Variants in KCNIP1 observed in about 807,000 individuals in gnomAD.
KCNIP1 encodes potassium voltage-gated channel interacting protein 1.
In KCNIP1, 18 loss-of-function variants were observed where a neutral mutation model predicts 33.0. The ratio of observed to expected loss-of-function variants is 0.55; its 90% CI spans 0.38 to 0.81. The LOEUF is 0.81. Ranked by LOEUF, KCNIP1 falls within the 30% of genes least tolerant of loss-of-function variation. KCNIP1 has a pLI of 0.00. For synonymous variants in KCNIP1, 93 were observed against 98.3 expected (o/e 0.95, Z 0.32); for missense variants, 238 against 271.6 (o/e 0.88, Z 0.87).
At chr5:170,713,921 G>A (rs1763546987) in intron 1 of KCNIP1, among the ~76,000 whole-genome samples, 1 of 152,106 alleles carries the variant, frequency 6.6e-6, no homozygotes, top group South Asian at 2.1e-4. Flanking sequence ...CTACTCAGGA[G>A]GCTGAGGCAG....
intron 1 of KCNIP1, among the ~76,000 whole-genome samples, chr5:170,587,371 G>A (rs938200528): frequency 5.7e-5 from 8 of 140,030 alleles, no homozygotes; most frequent in African/African-American, 1.6e-4. Context: ...GCAGTGAGCC[G>A]AGATTGTGCC....
At chr5:170,399,844 C>T (rs1754853784) in intron 1 of KCNIP1, among the ~76,000 whole-genome samples, 1 of 152,184 alleles carries the variant, frequency 6.6e-6, no homozygotes, top group South Asian at 2.1e-4. Context: ...AACTACTCTC[C>T]AGTGATGATC....
chr5:170,399,512 A>G (rs182792386), intron 1 of KCNIP1, among the ~76,000 whole-genome samples: 2 of 152,338 alleles, frequency 1.3e-5, no homozygotes, highest in Admixed American at 1.3e-4. Flanking sequence ...AGAGAACTTG[A>G]TAATACAGAA....
rs1763871816 is a variant in KCNIP1 at position 170,722,776 on chromosome 5, T to G, written c.391T>G (p.Phe131Val). 1 of 1,613,858 alleles carries G rather than the reference T, an allele frequency of 6.2e-7. No individual in the cohort carries two copies. The highest frequency in any genetic ancestry group is 1.3e-5 in the African/African-American group (1 of 74,908). ...GTVHEKLRWT[F>V]NLYDINKDGY... ...TGTCCACGAGAAACTAAGGTGGACA[T>G]TTAATTTGTATGACATCAACAAGGA... is the stretch of plus-strand genomic sequence containing the variant. The change falls in exon 5 of 8, where the codon TTT becomes GTT. Residue 131 changes from phenylalanine (F) to valine (V), a missense_variant. Coordinates refer to ENST00000328939, the MANE Select transcript of KCNIP1 (RefSeq NM_014592.4).
chr5:170,593,592 A>T (rs543608129), intron 1 of KCNIP1, among the ~76,000 whole-genome samples: 2 of 152,222 alleles, frequency 1.3e-5, no homozygotes, highest in African/African-American at 4.8e-5. Flanking sequence ...ATAATTGTTC[A>T]CATTCTGCTG....
intron 1 of KCNIP1, among the ~76,000 whole-genome samples, chr5:170,680,088 A>G (rs1762279641): frequency 1.3e-5 from 2 of 152,178 alleles, no homozygotes; most frequent in East Asian, 1.9e-4. Flanking sequence ...TCTGACACCA[A>G]TATGTGTGAA....
chr5:170,660,912 G>A (rs1020813784), intron 1 of KCNIP1, among the ~76,000 whole-genome samples: 25 of 152,258 alleles, frequency 1.6e-4, no homozygotes, highest in African/African-American at 4.8e-4. Context: ...TTAACAAGTC[G>A]AGGTTTGGGA....
At chr5:170,371,043 G>A (rs1453040488) in intron 1 of KCNIP1, among the ~76,000 whole-genome samples, 2 of 152,220 alleles carry the variant, frequency 1.3e-5, no homozygotes. Flanking sequence ...GAACACTTGT[G>A]AAAGAAAGTA....
chr5:170,451,985 G>A (rs57922670), intron 1 of KCNIP1, among the ~76,000 whole-genome samples: 97,470 of 151,836 alleles, frequency 0.64, 31,388 homozygotes, highest in South Asian at 0.69. Context: ...TATTGTCATG[G>A]AGTGGTAACT....
chr5:170,495,026 C>A (rs1216530350), intron 1 of KCNIP1, among the ~76,000 whole-genome samples: 1 of 152,150 alleles, frequency 6.6e-6, no homozygotes, highest in East Asian at 1.9e-4. Flanking sequence ...TCTGATGTAC[C>A]AGAAAGTTAC....
chr5:170,410,253 CACACAGGGGATCGCAG>C (rs1755147136), intron 1 of KCNIP1, among the ~76,000 whole-genome samples: 1 of 151,574 alleles, frequency 6.6e-6, no homozygotes, highest in Admixed American at 6.6e-5. Flanking sequence ...CTGGGTCCCC[CACACAGGGGATCGCAG>C]ACACAGTGAA....
Position 170,536,934 on chromosome 5 carries a change from C to T in KCNIP1, c.61+32301C>T, listed in dbSNP as rs117419848. On this transcript the variant is annotated intron_variant, in intron 1 of 7. Coordinates refer to ENST00000328939, the MANE Select transcript of KCNIP1 (RefSeq NM_014592.4). ...CTGGATTAAGGAGTGGAGAGTCAAACATGGGTAGCTCTGCTCAGAAAAATT... is the reference window on the plus strand; with the variant it reads ...CTGGATTAAGGAGTGGAGAGTCAAATATGGGTAGCTCTGCTCAGAAAAATT... Among the ~76,000 whole-genome samples the T allele has an allele frequency of 2.6e-5, 4 of 152,308 alleles. No homozygotes were observed. The East Asian group carries it at 5.8e-4, about 22-fold the overall frequency.
At chr5:170,597,814 T>TG (rs1355528183) in intron 1 of KCNIP1, among the ~76,000 whole-genome samples, 33 of 11,066 alleles carry the variant, frequency 3.0e-3, no homozygotes, top group South Asian at 0.012. Flanking sequence ...TATATATATA[T>TG]ATATATATAT....
At chr5:170,593,256 A>G (rs939825707) in intron 1 of KCNIP1, among the ~76,000 whole-genome samples, 3 of 152,186 alleles carry the variant, frequency 2.0e-5, no homozygotes, top group Non-Finnish European at 4.4e-5. Flanking sequence ...TTCTGACCCC[A>G]TCTGGCTTCT....
intron 1 of KCNIP1, among the ~76,000 whole-genome samples, chr5:170,645,014 G>A (rs1010520752): frequency 2.6e-5 from 4 of 152,212 alleles, no homozygotes; most frequent in Admixed American, 2.6e-4. Context: ...GGCTTCTAGT[G>A]CTGGCTCAGT....
chr5:170,681,311 G>A, intron 1 of KCNIP1: 1 of 391,720 alleles, frequency 2.6e-6, no homozygotes, highest in East Asian at 3.6e-5. Context: ...GGCTGAAACA[G>A]CGTGGTATTG....
Position 170,409,590 on chromosome 5 carries a change from G to A in KCNIP1, c.88+55626G>A, listed in dbSNP as rs148940644. Among the ~76,000 whole-genome samples, 5 of 152,252 alleles carry A rather than the reference G, an allele frequency of 3.3e-5. No individual in the cohort carries two copies. The East Asian group carries it at 5.8e-4, about 18-fold the overall frequency. On this transcript the variant is annotated intron_variant, in intron 1 of 7. Transcript: ENST00000377360. The stretch of plus-strand genomic sequence containing the variant: ...CCAATCCACCCCTGCCACCAGGATC[G>A]CCATGTAGGGTTGTGTGGCTTATGG...
chr5:170,692,737 A>G (rs908757660), intron 1 of KCNIP1, among the ~76,000 whole-genome samples: 5 of 152,218 alleles, frequency 3.3e-5, no homozygotes, highest in South Asian at 2.1e-4. Flanking sequence ...AAACTCTTCT[A>G]TATATCTTCT....
chr5:170,443,679 T>G (rs1241508546), intron 1 of KCNIP1, among the ~76,000 whole-genome samples: 1 of 152,246 alleles, frequency 6.6e-6, no homozygotes, highest in East Asian at 1.9e-4. Context: ...GAAACATGTC[T>G]AGACTGACAA....
Sources: allele counts gnomAD v4.1 joint callset (sites outside exome capture counted in the v4.1 genomes callset), GRCh38; gene constraint gnomAD v4.1.1; transcripts MANE v1.5; gene names NCBI Gene and HGNC (gene_info 2026-07-23, HGNC 2026-07-21).